NAALAD2: variants seen among roughly 807,000 people sequenced by gnomAD.
The protein encoded by NAALAD2 is N-acetylated-alpha-linked acidic dipeptidase 2.
Under a neutral mutation model 95.6 loss-of-function variants are expected in NAALAD2, and 89 were observed. The ratio of observed to expected loss-of-function variants is 0.93; its 90% CI spans 0.78 to 1.11. The LOEUF (loss-of-function observed/expected upper bound fraction) is 1.11. Among genes scored for constraint, NAALAD2 ranks in the 50% least tolerant of loss-of-function variants. The pLI is 0.00. For synonymous variants in NAALAD2, 264 were observed against 294.4 expected (o/e 0.90, Z 1.06); for missense variants, 894 against 872.4 (o/e 1.02, Z -0.31).
At chr11:90,154,984 A>C (rs1405929717) in intron 6 of NAALAD2, among the ~76,000 whole-genome samples, 1 of 85,656 alleles carries the variant, frequency 1.2e-5, no homozygotes, top group Non-Finnish European at 2.2e-5. Flanking sequence ...TTATATACGT[A>C]TACATAATAT....
rs1952971162 is a variant in NAALAD2 at position 90,181,633 on chromosome 11, T to G, written c.1872T>G (p.Ser624=). The G allele has an allele frequency of 1.2e-6, 2 of 1,602,004 alleles. No individual in the cohort carries two copies. The highest frequency in any genetic ancestry group is 2.7e-5 in the African/African-American group (2 of 74,244). Residue 624 remains serine, a synonymous_variant, in exon 17 of 19, where the codon TCT becomes TCG. Transcript: ENST00000534061. ...DHGVSFDSLF[S]AVKNFSEAAS... is the part of the protein sequence containing the mutation. Reference sequence around the variant, plus strand: ...TTTTTAAAAAAGACTCCTTATTTTCTGCTGTGAAAAACTTCTCAGAGGCTG... The same window carrying G: ...TTTTTAAAAAAGACTCCTTATTTTCGGCTGTGAAAAACTTCTCAGAGGCTG...
intron 12 of NAALAD2, 69 bp from the exon 13 acceptor site, chr11:90,170,000 T>C (rs1273640442): frequency 1.9e-5 from 18 of 940,274 alleles, no homozygotes; most frequent in Non-Finnish European, 2.8e-5. Flanking sequence ...GAAAATAAAG[T>C]TAGAATTAAA....
chr11:90,159,377 AT>A (rs776070217), intron 8 of NAALAD2, 40 bp downstream of exon 8: 2 of 1,409,892 alleles, frequency 1.4e-6, no homozygotes, highest in African/African-American at 1.4e-5. Context: ...AAAGTTTTAT[AT>A]TTTTAATGGA....
intron 6 of NAALAD2, 104 bp from the exon 7 acceptor site, chr11:90,158,041 A>T: frequency 1.2e-6 from 1 of 869,124 alleles, no homozygotes; most frequent in East Asian, 2.5e-5. Flanking sequence ...TTTTGGCATA[A>T]TTGCAAATGT....
chr11:90,182,516 C>T (rs974344880), intron 17 of NAALAD2, among the ~76,000 whole-genome samples: 1 of 152,196 alleles, frequency 6.6e-6, no homozygotes, highest in South Asian at 2.1e-4. Flanking sequence ...AACCTTCATT[C>T]ACTCTTTGTT....
At chr11:90,166,708 G>A (rs892202143) in intron 11 of NAALAD2, among the ~76,000 whole-genome samples, 1 of 152,014 alleles carries the variant, frequency 6.6e-6, no homozygotes, top group Non-Finnish European at 1.5e-5. Context: ...AGTGGTGGGT[G>A]CCTGTAGTCC....
chr11:90,178,190 A>G lies in NAALAD2; in HGVS notation c.1858+73A>G, dbSNP rs1295818644. 2.1e-6 allele frequency: 3 copies of G among 1,442,996 alleles called. No individual in the cohort carries two copies. In the East Asian group the frequency reaches 6.8e-5, roughly 33 times the overall value. 89.4% of individuals were successfully genotyped at this position (1,442,996 alleles called of 1,614,324 possible). A position where few individuals can be genotyped will look rare whatever the true frequency, so the allele number is the denominator to read the frequency against. The stretch of plus-strand genomic sequence containing the variant: ...TAAGATATTATCTCCTATGATGATC[A>G]ATGCATATTGTTTCATCCTAGAATA... On this transcript the variant is annotated intron_variant, in intron 16 of 18. Coordinates refer to ENST00000534061, the MANE Select transcript of NAALAD2 (RefSeq NM_005467.4).
chr11:90,182,922 T>C lies in NAALAD2; in HGVS notation c.1947T>C (p.Ile649=). The stretch of plus-strand genomic sequence containing the variant: ...GTATATGTTCTTCTCGAAGTCCCAT[T>C]GCAGTGAGAATGATGAATGACCAAC... ...RLIQVDLNNP[I]AVRMMNDQLM... The change falls in exon 18 of 19, where the codon ATT becomes ATC. Residue 649 remains isoleucine, a synonymous_variant. Transcript: ENST00000534061. 1 of 1,608,602 alleles carries C rather than the reference T, an allele frequency of 6.2e-7. No individual in the cohort carries two copies. Among genetic ancestry groups the C allele is most frequent in the Non-Finnish European group, 8.5e-7 (1 of 1,175,384 alleles).
At position 90,140,447 on chromosome 11, in the gene NAALAD2, C is replaced by T. The variant is rs187077909; in HGVS notation, c.194+4777C>T. 4.7e-3 allele frequency among the ~76,000 whole-genome samples: 543 copies of T among 116,532 alleles called. 1 individual carries two copies. Among genetic ancestry groups the T allele is most frequent in the African/African-American group, 0.021 (511 of 24,922 alleles). 76.4% of individuals were successfully genotyped at this position (116,532 alleles called of 152,430 possible). On this transcript the variant is annotated intron_variant, in intron 2 of 18. Transcript: ENST00000534061. The stretch of plus-strand genomic sequence containing the variant: ...TACTTCATGCATTCGTGACAAACCT[C>T]TTCTTTTTTTTTTAATATTTCTAGG...
chr11:90,135,884 C>A (rs1224919626), intron 2 of NAALAD2, among the ~76,000 whole-genome samples: 1 of 151,224 alleles, frequency 6.6e-6, no homozygotes, highest in Non-Finnish European at 1.5e-5. Flanking sequence ...CAAAAAGTAT[C>A]TGGTTGGCTT....
chr11:90,174,496 A>C (rs77423802), intron 14 of NAALAD2, among the ~76,000 whole-genome samples: 3,095 of 152,214 alleles, frequency 0.02, 92 homozygotes, highest in African/African-American at 0.069. Flanking sequence ...TTCTTGCTTA[A>C]AATTTCATTT....
chr11:90,150,608 G>A lies in NAALAD2; in HGVS notation c.609+1G>A, dbSNP rs779712175. 1.9e-6 allele frequency: 3 copies of A among 1,581,862 alleles called. No individual in the cohort carries two copies. The highest frequency in any genetic ancestry group is 2.6e-6 in the Non-Finnish European group (3 of 1,154,210). On this transcript the variant is annotated splice_donor_variant, in intron 5 of 18. Transcript: ENST00000534061. LOFTEE classifies it high-confidence loss of function. ...TGGAAAAATCTTCAGAGGAAATAAA[G>A]TACAGTATTATTTGTTTTTCTACAG...
rs1212342356 is a variant in NAALAD2, at chr11:90,162,998, A to G, written c.1039A>G (p.Asn347Asp). The G allele has an allele frequency of 4.4e-6, 7 of 1,575,594 alleles. No homozygotes were observed. Among genetic ancestry groups the G allele is most frequent in the Non-Finnish European group, 5.2e-6 (6 of 1,156,526 alleles). ...YNINKITRIY[N>D]VVGTIRGSVE... ...CATCAATAAAATTACAAGGATTTACAATGTAGTTGGAACTATCAGAGGATC... is the reference window on the plus strand; with the variant it reads ...CATCAATAAAATTACAAGGATTTACGATGTAGTTGGAACTATCAGAGGATC... The change falls in exon 9 of 19, where the codon AAT (asparagine) becomes GAT (aspartate). Residue 347 changes from asparagine (N) to aspartate (D), a missense_variant. Transcript: ENST00000534061.
intron 18 of NAALAD2, among the ~76,000 whole-genome samples, chr11:90,189,576 C>T (rs1857262634): frequency 6.6e-6 from 1 of 152,066 alleles, no homozygotes; most frequent in Admixed American, 6.5e-5. Context: ...TAAGACCAGC[C>T]TGGCCAACAT....
At chr11:90,137,858 G>T (rs1259946085) in intron 2 of NAALAD2, among the ~76,000 whole-genome samples, 1 of 151,886 alleles carries the variant, frequency 6.6e-6, no homozygotes, top group African/African-American at 2.4e-5. Context: ...GCCCAGGCTG[G>T]TCTCGAACTC....
In NAALAD2 at chr11:90,192,414, G is replaced by A. The variant is rs573090512; in HGVS notation, c.*667G>A. 6 of 152,164 alleles carry A rather than the reference G, an allele frequency of 3.9e-5. No individual in the cohort carries two copies. In the East Asian group the frequency reaches 9.6e-4, roughly 24 times the overall value. The allele number at this position is 152,164 out of a possible 1,614,324, so 9.4% of individuals were successfully genotyped here. A position where few individuals can be genotyped will look rare whatever the true frequency, so the allele number is the denominator to read the frequency against. On this transcript the variant is annotated 3_prime_UTR_variant, in exon 19 of 19. Transcript: ENST00000534061. ...AGATGAAGTGGCAAACTAATCTGTA[G>A]TGTTAAAAATTAGATTAGTGATTGC...
intron 18 of NAALAD2, among the ~76,000 whole-genome samples, chr11:90,185,580 T>C (rs1023862605): frequency 6.6e-6 from 1 of 152,104 alleles, no homozygotes; most frequent in Non-Finnish European, 1.5e-5. Flanking sequence ...GGCAGGGGGA[T>C]TGCTTGAACA....
In NAALAD2 at chr11:90,174,119, G is replaced by A. The variant is rs549674187; in HGVS notation, c.1502+204G>A. Among the ~76,000 whole-genome samples the A allele has an allele frequency of 7.9e-5, 12 of 152,216 alleles. No individual in the cohort carries two copies. The South Asian group carries it at 2.3e-3, about 29-fold the overall frequency. ...GGCCGAGGCGGGTGGATCACCTGAG[G>A]TCAGGCATTGGAGACCAGCCTGGCC... On this transcript the variant is annotated intron_variant, in intron 14 of 18. Transcript: ENST00000534061.
At chr11:90,191,144 G>A (rs1857312306) in intron 18 of NAALAD2, among the ~76,000 whole-genome samples, 2 of 151,946 alleles carry the variant, frequency 1.3e-5, no homozygotes, top group Non-Finnish European at 2.9e-5. Flanking sequence ...AAAGTATTGG[G>A]AACAACTGTC....
Sources: gnomAD v4.1 joint callset for allele counts (sites outside exome capture counted in the v4.1 genomes callset) on GRCh38, gnomAD v4.1.1 for gene constraint, MANE v1.5 for transcripts, NCBI Gene and HGNC (gene_info 2026-07-23, HGNC 2026-07-21) for gene names.